Variants in BCAR3 observed in about 807,000 individuals in gnomAD.
BCAR3 encodes the protein BCAR3 adaptor protein, NSP family member, also known as breast cancer anti-estrogen resistance protein 3.
BCAR3 carries 37 observed loss-of-function variants against 80.1 expected under a neutral mutation model. That is an observed-to-expected ratio of 0.46 (90% CI 0.36 to 0.61). The LOEUF (loss-of-function observed/expected upper bound fraction) is 0.61. Among genes scored for constraint, BCAR3 ranks in the 20% least tolerant of loss-of-function variants. The pLI is 0.00. For synonymous variants in BCAR3, 389 were observed against 418.9 expected, an observed-to-expected ratio of 0.93 and a Z score of 0.87; for missense variants, 978 against 1,068.2, an observed-to-expected ratio of 0.92 and a Z score of 1.18.
At position 93,627,451 on chromosome 1, in the gene BCAR3, T is replaced by C. The variant is rs539852343; in HGVS notation, c.357+14853A>G. On this transcript the variant is annotated intron_variant, in intron 3 of 11. Transcript: ENST00000260502. Reference sequence around the variant, plus strand: ...TGATCTGAAGAGGCTATTAAAATACTCCTCCCTTTCTGAACTGCATACCTG... The same window carrying C: ...TGATCTGAAGAGGCTATTAAAATACCCCTCCCTTTCTGAACTGCATACCTG... 2.7e-4 allele frequency among the ~76,000 whole-genome samples: 41 copies of C among 152,318 alleles called. 1 individual carries two copies. The South Asian group carries it at 7.5e-3, about 28-fold the overall frequency.
chr1:93,810,026 C>T (rs542665595), intron 2 of BCAR3, among the ~76,000 whole-genome samples: 1 of 151,090 alleles, frequency 6.6e-6, no homozygotes, highest in Admixed American at 6.6e-5. Context: ...GATAGCTCTA[C>T]TAAAAAAAAA....
chr1:93,774,282 G>A (rs1428822070), intron 2 of BCAR3, among the ~76,000 whole-genome samples: 1 of 151,964 alleles, frequency 6.6e-6, no homozygotes. Flanking sequence ...TCAGGAGATC[G>A]AGACCATCCT....
intron 2 of BCAR3, among the ~76,000 whole-genome samples, chr1:93,726,369 G>C (rs1650583490): frequency 6.6e-6 from 1 of 152,032 alleles, no homozygotes; most frequent in South Asian, 2.1e-4. Context: ...CACCGTGCCT[G>C]GCCTATTAGC....
intron 2 of BCAR3, among the ~76,000 whole-genome samples, chr1:93,674,381 G>A (rs1158923309): frequency 6.6e-6 from 1 of 152,108 alleles, no homozygotes; most frequent in Admixed American, 6.5e-5. Context: ...TTAGCCTCCT[G>A]AGTAGCTGGG....
intron 1 of BCAR3, 112 bp from the exon 2 acceptor site, chr1:93,675,053 C>T (rs749833372): frequency 9.9e-5 from 85 of 856,926 alleles, no homozygotes; most frequent in Non-Finnish European, 1.4e-4. Context: ...TATTCACAGA[C>T]CATTAACAGA....
chr1:93,755,087 A>G (rs932558368), intron 2 of BCAR3, among the ~76,000 whole-genome samples: 1 of 152,224 alleles, frequency 6.6e-6, no homozygotes, highest in Admixed American at 6.5e-5. Flanking sequence ...AAAACTAAAA[A>G]TATTAAGTAA....
intron 2 of BCAR3, among the ~76,000 whole-genome samples, chr1:93,838,232 G>A (rs542891595): frequency 6.6e-6 from 1 of 152,332 alleles, no homozygotes; most frequent in East Asian, 1.9e-4. Flanking sequence ...GCATGGCCCT[G>A]CTTCCCGCAA....
At chr1:93,614,142 A>G (rs1007813991) in intron 3 of BCAR3, 1 of 1,344,008 alleles carries the variant, frequency 7.4e-7, no homozygotes, top group African/African-American at 1.5e-5. Flanking sequence ...CACTCGCTCA[A>G]TTCTCGCAGG....
chr1:93,624,939 G>A (rs1469494765), intron 3 of BCAR3, among the ~76,000 whole-genome samples: 7 of 152,314 alleles, frequency 4.6e-5, no homozygotes, highest in Non-Finnish European at 1.0e-4. Flanking sequence ...GGCCAGGCGC[G>A]GTGGCTCATG....
intron 2 of BCAR3, among the ~76,000 whole-genome samples, chr1:93,655,535 G>T (rs920508889): frequency 6.6e-6 from 1 of 152,138 alleles, no homozygotes; most frequent in Non-Finnish European, 1.5e-5. Context: ...ATCATGCCTG[G>T]CACATGGCAG....
chr1:93,720,082 A>C (rs746320565), intron 2 of BCAR3: 1 of 152,176 alleles, frequency 6.6e-6, no homozygotes, highest in Non-Finnish European at 1.5e-5. Flanking sequence ...TCAGTCAAGC[A>C]AGGGACTGGG....
chr1:93,799,974 G>C (rs928831070), intron 2 of BCAR3, among the ~76,000 whole-genome samples: 3 of 152,180 alleles, frequency 2.0e-5, no homozygotes, highest in Non-Finnish European at 4.4e-5. Flanking sequence ...ACTACTGAAT[G>C]ATGGGGAATC....
At chr1:93,749,544 G>A (rs769601957) in intron 2 of BCAR3, among the ~76,000 whole-genome samples, 42 of 146,598 alleles carry the variant, frequency 2.9e-4, no homozygotes, top group Non-Finnish European at 5.1e-4. Flanking sequence ...AGCTGAGATC[G>A]CACCACTGCA....
At chr1:93,704,933 T>C (rs1649782246) in intron 3 of BCAR3, among the ~76,000 whole-genome samples, 1 of 152,210 alleles carries the variant, frequency 6.6e-6, no homozygotes. Flanking sequence ...TTCCTAAGAG[T>C]TAGTTGCTCC....
chr1:93,781,244 T>C (rs137995749), intron 2 of BCAR3, among the ~76,000 whole-genome samples: 2 of 152,402 alleles, frequency 1.3e-5, no homozygotes, highest in East Asian at 3.9e-4. Flanking sequence ...AATTTCATGT[T>C]ATTTTCACAC....
intron 2 of BCAR3, among the ~76,000 whole-genome samples, chr1:93,748,286 C>T (rs1321345929): frequency 6.6e-6 from 1 of 152,162 alleles, no homozygotes; most frequent in Non-Finnish European, 1.5e-5. Context: ...TTCTGAATTC[C>T]ATTTCAGTGG....
At chr1:93,668,779 T>C (rs1056940908) in intron 2 of BCAR3, among the ~76,000 whole-genome samples, 1 of 152,016 alleles carries the variant, frequency 6.6e-6, no homozygotes, top group Admixed American at 6.5e-5. Flanking sequence ...TGGTGTGATC[T>C]TGACTCACTA....
Position 93,810,451 on chromosome 1 carries a change from T to A in BCAR3, c.-63+35116A>T, listed in dbSNP as rs1370726469. ...AAATATTCACCTCTTCCCATCCATC[T>A]CTCAAAGTCTCAGACAGGAAACTGG... On this transcript the variant is annotated intron_variant, in intron 2 of 13. Coordinates refer to the BCAR3 transcript ENST00000370244. 3.9e-5 allele frequency among the ~76,000 whole-genome samples: 6 copies of A among 152,206 alleles called. No individual in the cohort carries two copies. The South Asian group carries it at 6.2e-4, about 16-fold the overall frequency.
rs1035204384 is a variant in BCAR3 at position 93,675,937 on chromosome 1, A to C, written c.-11-996T>G. 4.3e-3 allele frequency among the ~76,000 whole-genome samples: 642 copies of C among 148,308 alleles called. 14 individuals carry two copies. Among genetic ancestry groups the C allele is most frequent in the African/African-American group, 0.015 (616 of 39,834 alleles). On this transcript the variant is annotated intron_variant, in intron 1 of 11. Transcript: ENST00000260502. ...AAGAAATAGGAGACAAAAAAAAAAA[A>C]AAAAAAAAAAAAAGGCTGGCCCCTG...
Sources: allele counts gnomAD v4.1 joint callset (sites outside exome capture counted in the v4.1 genomes callset), GRCh38; gene constraint gnomAD v4.1.1; transcripts MANE v1.5; gene names NCBI Gene and HGNC (gene_info 2026-07-23, HGNC 2026-07-21).